Variants in ZDHHC13 observed in about 807,000 individuals in gnomAD.
ZDHHC13 encodes zDHHC palmitoyltransferase 13.
Under a neutral mutation model 86.0 loss-of-function variants are expected in ZDHHC13, and 85 were observed. That is an observed-to-expected ratio of 0.99 (90% CI 0.83 to 1.18). The LOEUF (loss-of-function observed/expected upper bound fraction) is 1.18. Ranked by LOEUF, ZDHHC13 falls within the 50% of genes most tolerant of loss-of-function variation. The pLI is 0.00. For missense variants in ZDHHC13, 711 were observed against 730.2 expected (o/e 0.97, Z 0.30); for synonymous variants, 263 against 246.4 (o/e 1.07, Z -0.63).
intron 4 of ZDHHC13, 75 bp from the exon 5 acceptor site, chr11:19,149,110 CTT>C (rs1265023660): frequency 7.9e-7 from 1 of 1,272,798 alleles, no homozygotes; most frequent in Non-Finnish European, 1.0e-6. Flanking sequence ...TCCCTCATGT[CTT>C]AGGAATATCA....
intron 14 of ZDHHC13, chr11:19,168,746 C>G: frequency 1.1e-6 from 1 of 918,018 alleles, no homozygotes; most frequent in Non-Finnish European, 1.3e-6. Context: ...TTACTAGAGC[C>G]CTGCTCTATA....
chr11:19,171,179 T>C (rs557050627), intron 15 of ZDHHC13, among the ~76,000 whole-genome samples: 1 of 152,254 alleles, frequency 6.6e-6, no homozygotes, highest in Non-Finnish European at 1.5e-5. Flanking sequence ...CCATGGCCAT[T>C]AGAAAGTTCA....
intron 1 of ZDHHC13, among the ~76,000 whole-genome samples, chr11:19,130,674 T>C (rs1340960086): frequency 6.6e-6 from 1 of 152,158 alleles, no homozygotes; most frequent in East Asian, 1.9e-4. Flanking sequence ...TTTGGTAATA[T>C]AAGCATTTAA....
chr11:19,143,432 T>C (rs1849376981), intron 2 of ZDHHC13, among the ~76,000 whole-genome samples: 1 of 152,244 alleles, frequency 6.6e-6, no homozygotes, highest in Non-Finnish European at 1.5e-5. Context: ...CTTGAATGAA[T>C]GGATGATTTT....
At chr11:19,162,719 G>A (rs891882151) in intron 10 of ZDHHC13, among the ~76,000 whole-genome samples, 3 of 152,088 alleles carry the variant, frequency 2.0e-5, no homozygotes, top group South Asian at 4.1e-4. Flanking sequence ...TCAGCTCAGC[G>A]TGCAGGATCA....
chr11:19,171,144 A>C (rs913325439), intron 15 of ZDHHC13, among the ~76,000 whole-genome samples: 3 of 152,218 alleles, frequency 2.0e-5, no homozygotes, highest in African/African-American at 7.2e-5. Context: ...ACCAGTGGTC[A>C]TAGTAATTAC....
intron 11 of ZDHHC13, 71 bp downstream of exon 11, chr11:19,163,498 T>C (rs1037889607): frequency 5.0e-6 from 7 of 1,388,274 alleles, no homozygotes; most frequent in African/African-American, 4.4e-5. Flanking sequence ...TATGCACATA[T>C]GCAGATGTGT....
chr11:19,138,487 A>G (rs1212912322), intron 1 of ZDHHC13, among the ~76,000 whole-genome samples: 3 of 151,776 alleles, frequency 2.0e-5, no homozygotes, highest in South Asian at 2.1e-4. Flanking sequence ...CAGAGGTACA[A>G]GGAGGAACTG....
chr11:19,170,316 C>A, intron 14 of ZDHHC13, 95 bp from the exon 15 acceptor site: 1 of 1,457,654 alleles, frequency 6.9e-7, no homozygotes, highest in Non-Finnish European at 9.0e-7. Context: ...ACTTTCTCTT[C>A]TCCCTATATA....
intron 13 of ZDHHC13, 124 bp from the exon 14 acceptor site, chr11:19,166,178 G>A (rs1355191279): frequency 4.1e-6 from 3 of 736,092 alleles, no homozygotes; most frequent in Non-Finnish European, 6.7e-6. Context: ...TAAAAGCAAA[G>A]CAACAGCTTT....
At chr11:19,133,347 G>A (rs1317346450) in intron 1 of ZDHHC13, among the ~76,000 whole-genome samples, 1 of 146,510 alleles carries the variant, frequency 6.8e-6, no homozygotes, top group Non-Finnish European at 1.5e-5. Flanking sequence ...TTTGAGAATT[G>A]TTTACATATA....
rs574971456 is a variant in ZDHHC13, at chr11:19,124,903, G to A, written c.27+7627G>A. Among the ~76,000 whole-genome samples, 41 of 152,186 alleles carry A rather than the reference G, an allele frequency of 2.7e-4. 1 individual carries two copies. In the South Asian group the frequency reaches 8.5e-3, roughly 32 times the overall value. ...CTTTTTTCTCTCTGATTTGCCCCCA[G>A]CCTTGACTTGAGCCCTGGAAATAAG... is the stretch of plus-strand genomic sequence containing the variant. On this transcript the variant is annotated intron_variant, in intron 1 of 16. Transcript: ENST00000446113.
At chr11:19,170,683 T>C (rs1405626102) in intron 15 of ZDHHC13, 115 bp downstream of exon 15, 30 of 1,026,996 alleles carry the variant, frequency 2.9e-5, no homozygotes, top group Non-Finnish European at 4.0e-5. Context: ...TGTCACTGAC[T>C]CTGTGGGTCT....
At chr11:19,128,955 G>A (rs1414258138) in intron 1 of ZDHHC13, among the ~76,000 whole-genome samples, 1 of 152,156 alleles carries the variant, frequency 6.6e-6, no homozygotes, top group East Asian at 1.9e-4. Context: ...TACTGCCCAG[G>A]TCTGTGTAAA....
At chr11:19,147,485 A>G (rs1441962532) in intron 3 of ZDHHC13, 111 bp from the exon 4 acceptor site, 7 of 895,316 alleles carry the variant, frequency 7.8e-6, no homozygotes, top group Admixed American at 4.8e-5. Flanking sequence ...GATTATTACT[A>G]TCATAATTTG....
chr11:19,155,952 G>C (rs1371649052), intron 9 of ZDHHC13, 23 bp downstream of exon 9: 1 of 1,581,982 alleles, frequency 6.3e-7, no homozygotes, highest in African/African-American at 1.4e-5. Context: ...ATTTTTGCAA[G>C]GCTGGTTATT....
intron 16 of ZDHHC13, among the ~76,000 whole-genome samples, chr11:19,173,399 T>C (rs1296209902): frequency 1.3e-5 from 2 of 152,244 alleles, no homozygotes; most frequent in Admixed American, 1.3e-4. Flanking sequence ...TCTTACGATA[T>C]GAAAGATTGG....
chr11:19,167,633 T>A (rs1850107955), intron 14 of ZDHHC13: 1 of 152,144 alleles, frequency 6.6e-6, no homozygotes, highest in African/African-American at 2.4e-5. Context: ...ACGCCTTGGG[T>A]GTCTTTGATC....
chr11:19,169,638 A>G (rs1850166920), intron 14 of ZDHHC13: 2 of 985,458 alleles, frequency 2.0e-6, no homozygotes, highest in Non-Finnish European at 2.4e-6. Context: ...GGTGCCTGTA[A>G]AAGTCATTGG....
Sources: gnomAD v4.1 joint callset for allele counts (sites outside exome capture counted in the v4.1 genomes callset) on GRCh38, gnomAD v4.1.1 for gene constraint, MANE v1.5 for transcripts, NCBI Gene and HGNC (gene_info 2026-07-23, HGNC 2026-07-21) for gene names.